KAZN: variants seen among roughly 807,000 people sequenced by gnomAD.
KAZN encodes the protein kazrin, periplakin interacting protein, also known as kazrin.
KAZN carries 40 observed loss-of-function variants against 87.4 expected under a neutral mutation model. The ratio of observed to expected loss-of-function variants is 0.46; its 90% confidence interval spans 0.36 to 0.60. The LOEUF is 0.60. KAZN is among the 20% of genes least tolerant of loss of function. KAZN has a pLI of 0.00. For missense variants in KAZN, 898 were observed against 1,073.9 expected, an observed-to-expected ratio of 0.84 and a Z score of 2.29; for synonymous variants, 466 against 458.3, an observed-to-expected ratio of 1.02 and a Z score of -0.22.
rs113990617 is a variant in KAZN at position 14,451,711 on chromosome 1, C to A, written c.250-147272C>A. On this transcript the variant is annotated intron_variant, in intron 2 of 16. Coordinates refer to the KAZN transcript ENST00000636203. The stretch of plus-strand genomic sequence containing the variant: ...GATTTGCAGTCAGCAAGCTGAAGAC[C>A]CAAGAGAGTGGGCGGTATAGTTCCA... Among the ~76,000 whole-genome samples, 1,153 of 151,890 alleles carry A rather than the reference C, an allele frequency of 7.6e-3. 21 individuals are homozygous for A. Among genetic ancestry groups the A allele is most frequent in the African/African-American group, 0.026 (1,080 of 41,406 alleles).
At chr1:14,558,217 A>C (rs1371568612) in intron 2 of KAZN, among the ~76,000 whole-genome samples, 4 of 152,218 alleles carry the variant, frequency 2.6e-5, no homozygotes, top group African/African-American at 4.8e-5. Flanking sequence ...TTCAGTAATG[A>C]TCCCACAACA....
intron 1 of KAZN, among the ~76,000 whole-genome samples, chr1:14,691,377 A>G (rs1641297944): frequency 6.6e-6 from 1 of 152,228 alleles, no homozygotes; most frequent in South Asian, 2.1e-4. Flanking sequence ...TTATACATGT[A>G]TATATACATA....
At chr1:14,084,505 T>C (rs1643791159) in intron 1 of KAZN, among the ~76,000 whole-genome samples, 1 of 152,142 alleles carries the variant, frequency 6.6e-6, no homozygotes, top group Non-Finnish European at 1.5e-5. Flanking sequence ...TTACATATTG[T>C]ACACATCATT....
At chr1:15,031,915 G>A (rs1468275909) in intron 2 of KAZN, among the ~76,000 whole-genome samples, 1 of 151,974 alleles carries the variant, frequency 6.6e-6, no homozygotes, top group Non-Finnish European at 1.5e-5. Context: ...GCCTTATTTT[G>A]TTTTGCTTTC....
intron 1 of KAZN, among the ~76,000 whole-genome samples, chr1:14,761,578 AAG>A (rs751860946): frequency 2.6e-5 from 4 of 152,210 alleles, no homozygotes; most frequent in Non-Finnish European, 5.9e-5. Flanking sequence ...CTTCTGTAAG[AAG>A]AGTTTTTGAA....
At chr1:14,396,018 AT>A (rs1288294860) in intron 2 of KAZN, among the ~76,000 whole-genome samples, 1 of 151,882 alleles carries the variant, frequency 6.6e-6, no homozygotes, top group Non-Finnish European at 1.5e-5. Context: ...AAATACAAAA[AT>A]TAGCCTGGCA....
At chr1:13,981,093 A>ATATATATATATATATATATATATATG (rs71272488) in intron 1 of KAZN, among the ~76,000 whole-genome samples, 2,767 of 77,882 alleles carry the variant, frequency 0.036, 217 homozygotes, top group Admixed American at 0.086. Flanking sequence ...TACTCTTTAT[A>ATATATATATATATATATATATATATG]TATATATATA....
intron 1 of KAZN, among the ~76,000 whole-genome samples, chr1:14,947,335 G>C (rs1661938409): frequency 6.6e-6 from 1 of 152,246 alleles, no homozygotes; most frequent in South Asian, 2.1e-4. Flanking sequence ...TGAGGATGTG[G>C]AGGGAAGCAG....
chr1:14,294,053 T>C (rs145128959), intron 2 of KAZN, among the ~76,000 whole-genome samples: 6 of 152,328 alleles, frequency 3.9e-5, no homozygotes, highest in Non-Finnish European at 7.3e-5. Flanking sequence ...AGGGAGTTTC[T>C]TACCAGTTTT....
At chr1:14,283,114 T>C (rs2100721736) in intron 2 of KAZN, among the ~76,000 whole-genome samples, 1 of 152,318 alleles carries the variant, frequency 6.6e-6, no homozygotes, top group East Asian at 1.9e-4. Context: ...AGCCAGATCA[T>C]TTCCTTTCTT....
intron 2 of KAZN, among the ~76,000 whole-genome samples, chr1:14,519,546 C>A (rs1016857369): frequency 1.3e-5 from 2 of 152,088 alleles, no homozygotes; most frequent in African/African-American, 4.8e-5. Context: ...GCACAGATTG[C>A]CTTTGGAGAG....
intron 1 of KAZN, among the ~76,000 whole-genome samples, chr1:14,724,543 CAATT>C (rs1461721147): frequency 6.6e-6 from 1 of 152,242 alleles, no homozygotes; most frequent in Admixed American, 6.5e-5. Flanking sequence ...TGACTGCTCA[CAATT>C]AATCTAAAAA....
At chr1:13,940,795 C>T (rs1570340069) in intron 1 of KAZN, among the ~76,000 whole-genome samples, 1 of 152,064 alleles carries the variant, frequency 6.6e-6, no homozygotes, top group East Asian at 1.9e-4. Flanking sequence ...TTTTTTTAAA[C>T]TTTTACAGTG....
chr1:14,510,439 T>C (rs1670844825), intron 2 of KAZN, among the ~76,000 whole-genome samples: 1 of 152,190 alleles, frequency 6.6e-6, no homozygotes, highest in African/African-American at 2.4e-5. Context: ...AAATCTTTTT[T>C]GTATAAGTAT....
rs1646704896 is a variant in KAZN at position 14,820,388 on chromosome 1, T to C, written c.227-140296T>C. Among the ~76,000 whole-genome samples, 1 of 152,250 alleles carries C rather than the reference T, an allele frequency of 6.6e-6. No homozygotes were observed. On this transcript the variant is annotated intron_variant, in intron 1 of 14. Coordinates refer to ENST00000376030, the MANE Select transcript of KAZN (RefSeq NM_201628.3). This position sits in a 1 kb window ranked among gnomAD's most constrained non-coding sequence, Gnocchi z 4.1. ...CAAGTGCCACATCATCTGGGTATCA[T>C]GAGAGCCCATCTCCATCTGCCAGCC...
At chr1:15,102,225 T>G (rs12127153) in intron 11 of KAZN, among the ~76,000 whole-genome samples, 52,023 of 151,744 alleles carry the variant, frequency 0.34, 9,143 homozygotes, top group Middle Eastern at 0.42. Context: ...AAATAAAAAT[T>G]TTTAAGTGTT....
At chr1:14,920,628 T>A (rs1267415676) in intron 1 of KAZN, among the ~76,000 whole-genome samples, 2 of 152,148 alleles carry the variant, frequency 1.3e-5, no homozygotes, top group Non-Finnish European at 2.9e-5. Flanking sequence ...GAAGTAGAAC[T>A]GGCTACATAA....
At chr1:14,377,402 T>C (rs1462527826) in intron 2 of KAZN, among the ~76,000 whole-genome samples, 1 of 152,224 alleles carries the variant, frequency 6.6e-6, no homozygotes, top group African/African-American at 2.4e-5. Flanking sequence ...ATTGGTCTCA[T>C]TCGCCTTTAG....
intron 1 of KAZN, among the ~76,000 whole-genome samples, chr1:14,046,155 C>A (rs1037406408): frequency 1.3e-5 from 2 of 152,248 alleles, no homozygotes; most frequent in East Asian, 3.9e-4. Context: ...ATGGTGGGTT[C>A]ACCTAATGAT....
Sources: gnomAD v4.1 joint callset for allele counts (sites outside exome capture counted in the v4.1 genomes callset) on GRCh38, gnomAD v4.1.1 for gene constraint, Gnocchi (gnomAD v3.1) non-coding constraint, MANE v1.5 for transcripts, NCBI Gene and HGNC (gene_info 2026-07-23, HGNC 2026-07-21) for gene names.